EFCAB13: variants seen among roughly 807,000 people sequenced by gnomAD.
EFCAB13 encodes EF-hand calcium binding domain 13.
Under a neutral mutation model 110.2 loss-of-function variants are expected in EFCAB13, and 91 were observed. That is an observed-to-expected ratio of 0.83 (90% CI 0.70 to 0.98). The LOEUF (loss-of-function observed/expected upper bound fraction) is 0.98. EFCAB13 is among the 50% of genes least tolerant of loss of function. The probability of loss-of-function intolerance (pLI) is 0.00; values close to 1 mark genes in which losing one functional copy is unlikely to be tolerated. For missense variants in EFCAB13, 968 were observed against 1,119.4 expected (o/e 0.86, Z 1.93); for synonymous variants, 323 against 369.9 (o/e 0.87, Z 1.45).
chr17:47,413,614 T>C (rs895736349), intron 22 of EFCAB13, among the ~76,000 whole-genome samples: 1 of 152,168 alleles, frequency 6.6e-6, no homozygotes, highest in African/African-American at 2.4e-5. Context: ...CAGATTGTTA[T>C]TCACCTAGAT....
intron 24 of EFCAB13, among the ~76,000 whole-genome samples, chr17:47,433,150 T>G (rs1292312176): frequency 1.3e-5 from 2 of 152,140 alleles, no homozygotes; most frequent in African/African-American, 4.8e-5. Flanking sequence ...GCATGACACT[T>G]TGGAAGAGTA....
chr17:47,387,046 G>A (rs1053938540), intron 14 of EFCAB13, among the ~76,000 whole-genome samples: 1 of 152,142 alleles, frequency 6.6e-6, no homozygotes, highest in African/African-American at 2.4e-5. Flanking sequence ...TTCTGTGTTG[G>A]TCTTGCTGGG....
At chr17:47,325,024 A>AC (rs10639943) in intron 2 of EFCAB13, among the ~76,000 whole-genome samples, 2 of 33,532 alleles carry the variant, frequency 6.0e-5, no homozygotes, top group African/African-American at 2.2e-4. Flanking sequence ...CGCCCACCCC[A>AC]CCCCCCTTTT....
At chr17:47,417,698 T>C (rs1353542040) in intron 23 of EFCAB13, among the ~76,000 whole-genome samples, 2 of 152,242 alleles carry the variant, frequency 1.3e-5, no homozygotes, top group Non-Finnish European at 2.9e-5. Flanking sequence ...TTTCTCGCCA[T>C]TTCCACAATC....
At chr17:47,413,968 A>G (rs1400743491) in intron 22 of EFCAB13, among the ~76,000 whole-genome samples, 6 of 152,062 alleles carry the variant, frequency 3.9e-5, no homozygotes, top group African/African-American at 1.2e-4. Context: ...TCTCATCTCT[A>G]TCCCAAAGAT....
chr17:47,436,629 T>C (rs2143528490), intron 24 of EFCAB13, among the ~76,000 whole-genome samples: 1 of 152,260 alleles, frequency 6.6e-6, no homozygotes, highest in East Asian at 1.9e-4. Flanking sequence ...TCCTGTTTTG[T>C]TTCTTAGTGG....
intron 14 of EFCAB13, among the ~76,000 whole-genome samples, chr17:47,380,907 A>C (rs1210476297): frequency 7.1e-6 from 1 of 141,028 alleles, no homozygotes; most frequent in Non-Finnish European, 1.5e-5. Flanking sequence ...TTTTGAGACA[A>C]AGTCTCACTC....
intron 15 of EFCAB13, among the ~76,000 whole-genome samples, chr17:47,392,928 C>T (rs946201179): frequency 6.6e-6 from 1 of 152,116 alleles, no homozygotes; most frequent in South Asian, 2.1e-4. Flanking sequence ...GCAACACTTA[C>T]AACAGTGATG....
chr17:47,417,525 T>A (rs1007831310), intron 23 of EFCAB13, among the ~76,000 whole-genome samples: 6 of 152,240 alleles, frequency 3.9e-5, no homozygotes, highest in Non-Finnish European at 8.8e-5. Flanking sequence ...TATGTTTCCT[T>A]GCATTGCTTC....
intron 12 of EFCAB13, among the ~76,000 whole-genome samples, chr17:47,376,152 G>A (rs2065614205): frequency 6.6e-6 from 1 of 152,126 alleles, no homozygotes. Context: ...TGATTGTTTA[G>A]TGAAAATTTT....
intron 23 of EFCAB13, among the ~76,000 whole-genome samples, chr17:47,423,688 C>T (rs1904810187): frequency 6.6e-6 from 1 of 151,662 alleles, no homozygotes; most frequent in Non-Finnish European, 1.5e-5. Flanking sequence ...GACGTGTCAC[C>T]CCGGCGGTTG....
At position 47,386,069 on chromosome 17, in the gene EFCAB13, T is replaced by C. The variant is rs370476964; in HGVS notation, c.1583-5368T>C. Among the ~76,000 whole-genome samples, 11 of 152,296 alleles carry C rather than the reference T, an allele frequency of 7.2e-5. No individual in the cohort carries two copies. The East Asian group carries it at 9.7e-4, about 13-fold the overall frequency. On this transcript the variant is annotated intron_variant, in intron 14 of 24. Coordinates refer to ENST00000331493, the MANE Select transcript of EFCAB13 (RefSeq NM_152347.5). Reference sequence around the variant, plus strand: ...CCTGCATGAGGTGTCTGACAATCGCTGTTGGGAGGTCTCTCCCCATCAGGA... The same window carrying C: ...CCTGCATGAGGTGTCTGACAATCGCCGTTGGGAGGTCTCTCCCCATCAGGA...
chr17:47,436,613 A>C (rs1258530353), intron 24 of EFCAB13, among the ~76,000 whole-genome samples: 1 of 151,968 alleles, frequency 6.6e-6, no homozygotes, highest in Non-Finnish European at 1.5e-5. Context: ...TGTCAGTTGT[A>C]ATATCTCCTG....
intron 7 of EFCAB13, 123 bp downstream of exon 7, chr17:47,344,415 G>C: frequency 8.1e-7 from 1 of 1,229,706 alleles, no homozygotes; most frequent in Non-Finnish European, 1.1e-6. Flanking sequence ...ATGCTGTTAG[G>C]ATTGTGTAGA....
At chr17:47,429,180 G>A (rs187529886) in intron 23 of EFCAB13, among the ~76,000 whole-genome samples, 16 of 152,186 alleles carry the variant, frequency 1.1e-4, no homozygotes, top group Admixed American at 1.0e-3. Context: ...AAGGGCTGAA[G>A]TAATTATTTT....
intron 24 of EFCAB13, 143 bp from the exon 25 acceptor site, chr17:47,440,288 G>A (rs983486437): frequency 7.1e-6 from 5 of 705,758 alleles, no homozygotes; most frequent in Middle Eastern, 4.2e-4. Context: ...TCATATGCAT[G>A]CAAGAGGTAA....
At chr17:47,394,268 T>C (rs528494419) in intron 16 of EFCAB13, among the ~76,000 whole-genome samples, 169 bp downstream of exon 16, 2 of 152,324 alleles carry the variant, frequency 1.3e-5, no homozygotes, top group South Asian at 4.1e-4. Context: ...TCTCCTCTAA[T>C]GACCCCTAAT....
At chr17:47,409,438 C>A in intron 20 of EFCAB13, 1 of 499,698 alleles carries the variant, frequency 2.0e-6, no homozygotes. Flanking sequence ...TGGAAGATAA[C>A]CATGAAGGAG....
chr17:47,330,516 G>T (rs1434517374), intron 4 of EFCAB13, among the ~76,000 whole-genome samples: 3 of 151,866 alleles, frequency 2.0e-5, no homozygotes, highest in Admixed American at 2.0e-4. Flanking sequence ...TGGATCCATA[G>T]CTTAGCTCCC....
Sources: allele counts gnomAD v4.1 joint callset (sites outside exome capture counted in the v4.1 genomes callset), GRCh38; gene constraint gnomAD v4.1.1; transcripts MANE v1.5; gene names NCBI Gene and HGNC (gene_info 2026-07-23, HGNC 2026-07-21).